The following LAMA1 variants were observed in gnomAD, a reference collection of about 807,000 sequenced individuals.
LAMA1 encodes laminin subunit alpha-1.
A neutral mutation model predicts 348.7 loss-of-function variants in LAMA1; 219 were observed. That is an observed-to-expected ratio of 0.63 (90% CI 0.56 to 0.70). The LOEUF (loss-of-function observed/expected upper bound fraction) is 0.70, where lower values mean the gene tolerates loss of function less well. Ranked by LOEUF, LAMA1 falls within the 30% of genes least tolerant of loss-of-function variation. The pLI is 0.00. For missense variants in LAMA1, 3,744 were observed against 3,888.0 expected, an observed-to-expected ratio of 0.96 and a Z score of 0.99; for synonymous variants, 1,487 against 1,491.0, an observed-to-expected ratio of 1.00 and a Z score of 0.06.
At position 7,023,287 on chromosome 18, in the gene LAMA1, C is replaced by A. The variant is rs774623702; in HGVS notation, c.2578G>T (p.Ala860Ser). The A allele has an allele frequency of 6.2e-7, 1 of 1,614,162 alleles. No individual in the cohort carries two copies. The highest frequency in any genetic ancestry group is 8.5e-7 in the Non-Finnish European group (1 of 1,180,038). ...CCGGTGACTGAGTCACAGTGACCAGCCTCCGAGGGGTCCACGTTGCCGCTG... is the reference window on the plus strand; with the variant it reads ...CCGGTGACTGAGTCACAGTGACCAGACTCCGAGGGGTCCACGTTGCCGCTG... ...DCSGNVDPSE[A>S]GHCDSVTGEC... Residue 860 changes from alanine to serine, a missense_variant, in exon 19 of 63, where the codon GCT (alanine) becomes TCT (serine). Transcript: ENST00000389658.
intron 1 of LAMA1, 46 bp downstream of exon 1, chr18:7,117,614 G>C (rs745489843): frequency 3.8e-6 from 6 of 1,578,704 alleles, no homozygotes; most frequent in Non-Finnish European, 4.3e-6. Flanking sequence ...GCCCCCGCCC[G>C]CCCGCCTGCG....
At chr18:6,955,152 CCA>C in intron 57 of LAMA1, 199 bp downstream of exon 57, 1 of 604,554 alleles carries the variant, frequency 1.7e-6, no homozygotes, top group East Asian at 2.9e-5. Context: ...AAGGCAGAAA[CCA>C]CAGACTCCCC....
At chr18:7,049,385 C>T in intron 4 of LAMA1, 128 bp from the exon 5 acceptor site, 1 of 787,228 alleles carries the variant, frequency 1.3e-6, no homozygotes, top group South Asian at 1.5e-5. Context: ...CTGTAACCTC[C>T]ACCTCCCAGG....
intron 3 of LAMA1, among the ~76,000 whole-genome samples, chr18:7,070,980 A>G (rs1427197521): frequency 6.6e-6 from 1 of 151,976 alleles, no homozygotes; most frequent in Non-Finnish European, 1.5e-5. Flanking sequence ...AAGTGTCAAT[A>G]CCCTGCTGGA....
intron 35 of LAMA1, among the ~76,000 whole-genome samples, chr18:6,993,138 A>C (rs2057765946): frequency 6.6e-6 from 1 of 152,176 alleles, no homozygotes; most frequent in South Asian, 2.1e-4. Flanking sequence ...TGCCCTATAA[A>C]GTCTGATTTT....
At chr18:7,058,553 T>C (rs981555850) in intron 3 of LAMA1, among the ~76,000 whole-genome samples, 4 of 152,216 alleles carry the variant, frequency 2.6e-5, no homozygotes, top group African/African-American at 9.6e-5. Flanking sequence ...GTGATTAAGT[T>C]AAATGAGGGC....
At chr18:7,004,652 C>A (rs1407762474) in intron 29 of LAMA1, among the ~76,000 whole-genome samples, 1 of 152,028 alleles carries the variant, frequency 6.6e-6, no homozygotes, top group East Asian at 1.9e-4. Context: ...GCGCCCGGCC[C>A]CAATCATTTT....
chr18:7,046,367 A>G lies in LAMA1; in HGVS notation c.769T>C (p.Tyr257His). Reference protein sequence around the residue: ...KELDPIVTRRYYYSIKDISVG... With the variant: ...KELDPIVTRRHYYSIKDISVG... ...GAAATGTCCTTTATTGAATAATAATACTAAGGAAAAAGAAAGTTATGAACA... is the reference window on the plus strand; with the variant it reads ...GAAATGTCCTTTATTGAATAATAATGCTAAGGAAAAAGAAAGTTATGAACA... Residue 257 changes from tyrosine to histidine, a missense_variant and splice_region_variant, in exon 6 of 63, where the codon TAT (tyrosine) becomes CAT (histidine). By Grantham distance (83) the Tyr-to-His change is moderately conservative (BLOSUM62 2). This residue lies in a region of LAMA1 where 1,529 missense variants were observed against 1,689.4 expected (regional missense o/e 0.91). Coordinates refer to ENST00000389658, the MANE Select transcript of LAMA1 (RefSeq NM_005559.4). The G allele has an allele frequency of 6.3e-7, 1 of 1,575,520 alleles. No homozygotes were observed.
chr18:6,979,563 T>A (rs2057698737), intron 42 of LAMA1, among the ~76,000 whole-genome samples: 1 of 152,042 alleles, frequency 6.6e-6, no homozygotes, highest in Non-Finnish European at 1.5e-5. Flanking sequence ...AAGTTTGAGG[T>A]GCAGCACGAT....
intron 33 of LAMA1, among the ~76,000 whole-genome samples, chr18:6,995,681 G>A (rs778867125): frequency 1.9e-4 from 29 of 152,132 alleles, no homozygotes; most frequent in Middle Eastern, 3.2e-3. Context: ...AAAATCTGTT[G>A]TGTTCAGCAG....
intron 3 of LAMA1, among the ~76,000 whole-genome samples, chr18:7,064,368 G>T (rs1201605123): frequency 6.6e-6 from 1 of 152,166 alleles, no homozygotes; most frequent in African/African-American, 2.4e-5. Context: ...TAGGAATGTA[G>T]TATTTCTAGG....
At chr18:7,097,270 C>A (rs1221829843) in intron 1 of LAMA1, among the ~76,000 whole-genome samples, 21 of 149,810 alleles carry the variant, frequency 1.4e-4, no homozygotes, top group Admixed American at 3.3e-4. Context: ...AATACTTGAA[C>A]AAAAAAAATA....
intron 16 of LAMA1, among the ~76,000 whole-genome samples, chr18:7,027,678 C>T (rs1417482388): frequency 6.6e-6 from 1 of 152,102 alleles, no homozygotes. Context: ...CGCGGTGGTT[C>T]ACGCCTGTAA....
intron 1 of LAMA1, among the ~76,000 whole-genome samples, chr18:7,085,522 C>A (rs1372640195): frequency 6.7e-6 from 1 of 149,978 alleles, no homozygotes; most frequent in Non-Finnish European, 1.5e-5. Flanking sequence ...GGGTTCATGC[C>A]ATTCTCCTGT....
intron 29 of LAMA1, among the ~76,000 whole-genome samples, chr18:7,005,171 G>C (rs1265344400): frequency 6.6e-6 from 1 of 152,224 alleles, no homozygotes; most frequent in Non-Finnish European, 1.5e-5. Context: ...TGAAGATTCA[G>C]GGCCTTTGGA....
chr18:7,012,647 A>G (rs925541935), intron 23 of LAMA1, among the ~76,000 whole-genome samples: 14 of 150,526 alleles, frequency 9.3e-5, no homozygotes, highest in Non-Finnish European at 1.3e-4. Flanking sequence ...CTGGGACTAC[A>G]GGCGCCTGCC....
intron 1 of LAMA1, among the ~76,000 whole-genome samples, chr18:7,100,351 T>C (rs1422389908): frequency 6.6e-6 from 1 of 152,162 alleles, no homozygotes; most frequent in Non-Finnish European, 1.5e-5. Flanking sequence ...AGGTAATGCA[T>C]AGTGTTGGTA....
At chr18:7,104,249 T>C (rs140103538) in intron 1 of LAMA1, among the ~76,000 whole-genome samples, 1,930 of 152,288 alleles carry the variant, frequency 0.013, 33 homozygotes, top group African/African-American at 0.044. Context: ...AGCGCTGGGA[T>C]TACAGGCGTG....
chr18:7,080,275 C>T lies in LAMA1; in HGVS notation c.232+12G>A, dbSNP rs375402124. The T allele has an allele frequency of 1.8e-5, 29 of 1,613,772 alleles. No homozygotes were observed. Among genetic ancestry groups the T allele is most frequent in the African/African-American group, 8.0e-5 (6 of 74,918 alleles). Reference sequence around the variant, plus strand: ...CCCATGGGAATTTCAGAAATAAAGGCGCGACACTTGCCTCTGGGGTTTGCG... The same window carrying T: ...CCCATGGGAATTTCAGAAATAAAGGTGCGACACTTGCCTCTGGGGTTTGCG... On this transcript the variant is annotated intron_variant, in intron 2 of 62. Transcript: ENST00000389658.
Sources: allele counts gnomAD v4.1 joint callset (sites outside exome capture counted in the v4.1 genomes callset), GRCh38; gene constraint gnomAD v4.1.1; regional missense constraint gnomAD v4.1.1; transcripts MANE v1.5; gene names NCBI Gene and HGNC (gene_info 2026-07-23, HGNC 2026-07-21).